CADM2: variants seen among roughly 807,000 people sequenced by gnomAD.
CADM2 encodes the protein cell adhesion molecule 2, also known as immunoglobulin superfamily member 4D.
A neutral mutation model predicts 49.8 loss-of-function variants in CADM2; 12 were observed. The ratio of observed to expected loss-of-function variants is 0.24; its 90% CI spans 0.15 to 0.39. CADM2 has a LOEUF of 0.39. Among genes scored for constraint, CADM2 ranks in the 10% least tolerant of loss-of-function variants. The probability of loss-of-function intolerance (pLI) is 1.00; values close to 1 mark genes in which losing one functional copy is unlikely to be tolerated. For synonymous variants in CADM2, 214 were observed against 175.4 expected, an observed-to-expected ratio of 1.22 and a Z score of -1.74; for missense variants, 378 against 492.3, an observed-to-expected ratio of 0.77 and a Z score of 2.20.
At chr3:85,617,536 CT>C (rs1171015634) in intron 1 of CADM2, among the ~76,000 whole-genome samples, 1 of 152,042 alleles carries the variant, frequency 6.6e-6, no homozygotes. Context: ...GAACCCAGTC[CT>C]TTTGGATTTT....
intron 1 of CADM2, among the ~76,000 whole-genome samples, chr3:85,310,950 G>T (rs1039771633): frequency 2.0e-5 from 3 of 152,154 alleles, no homozygotes; most frequent in African/African-American, 4.8e-5. Flanking sequence ...GGAAAAGTGA[G>T]TGGTTCTAAA....
At chr3:85,468,078 C>T (rs1576609421) in intron 1 of CADM2, among the ~76,000 whole-genome samples, 1 of 138,276 alleles carries the variant, frequency 7.2e-6, no homozygotes, top group Non-Finnish European at 1.5e-5. Flanking sequence ...GGCGTGAACC[C>T]GGGAGGCGGA....
chr3:85,091,525 A>T (rs1194308177), intron 1 of CADM2, among the ~76,000 whole-genome samples: 3 of 152,204 alleles, frequency 2.0e-5, no homozygotes, highest in African/African-American at 7.2e-5. Flanking sequence ...AGATACTGAA[A>T]ATAAAATAAT....
chr3:85,146,949 G>GA (rs970553118), intron 1 of CADM2, among the ~76,000 whole-genome samples: 16 of 149,746 alleles, frequency 1.1e-4, no homozygotes, highest in Middle Eastern at 3.4e-3. Flanking sequence ...ATTAAGGGGG[G>GA]AAAAAAAAAG....
chr3:85,638,351 C>T (rs182027802), intron 1 of CADM2, among the ~76,000 whole-genome samples: 96 of 152,012 alleles, frequency 6.3e-4, no homozygotes, highest in African/African-American at 2.2e-3. Flanking sequence ...TCTGTGTTTC[C>T]TAAATTCTTC....
chr3:85,595,761 T>C (rs12054328), intron 1 of CADM2, among the ~76,000 whole-genome samples: 90,202 of 151,774 alleles, frequency 0.59, 28,301 homozygotes, highest in East Asian at 0.93. Context: ...AATATTTAAG[T>C]GCAATATGTT....
intron 1 of CADM2, among the ~76,000 whole-genome samples, chr3:84,972,263 G>A (rs927563827): frequency 1.3e-5 from 2 of 152,140 alleles, no homozygotes; most frequent in African/African-American, 4.8e-5. Flanking sequence ...TGCAGAGATG[G>A]CATTTTTCTT....
intron 3 of CADM2, among the ~76,000 whole-genome samples, chr3:85,871,753 G>A (rs773363411): frequency 3.9e-5 from 6 of 151,998 alleles, no homozygotes; most frequent in Non-Finnish European, 8.8e-5. Context: ...ATGTGATGAT[G>A]GTTTTCCTAT....
chr3:85,677,919 A>G (rs2065931142), intron 1 of CADM2, among the ~76,000 whole-genome samples: 1 of 152,214 alleles, frequency 6.6e-6, no homozygotes, highest in Non-Finnish European at 1.5e-5. Context: ...GATTCCTTCT[A>G]ACTTTGATAT....
At chr3:85,754,024 G>C (rs2068983243) in intron 2 of CADM2, among the ~76,000 whole-genome samples, 1 of 152,178 alleles carries the variant, frequency 6.6e-6, no homozygotes. Flanking sequence ...TTTGAGGTGG[G>C]CTGTCTGCAT....
At chr3:85,157,338 A>G (rs1260806272) in intron 1 of CADM2, among the ~76,000 whole-genome samples, 1 of 151,276 alleles carries the variant, frequency 6.6e-6, no homozygotes, top group South Asian at 2.1e-4. Context: ...GGAAAAAACT[A>G]CTTTAAAGTT....
In CADM2 at chr3:85,647,609, T is replaced by C. The variant is rs569523009; in HGVS notation, c.62-78913T>C. ...TGAGGACACACTTTATAAATGATGCTTTTTTAAAATTGACTTTTAGAAAAA... is the reference window on the plus strand; with the variant it reads ...TGAGGACACACTTTATAAATGATGCCTTTTTAAAATTGACTTTTAGAAAAA... On this transcript the variant is annotated intron_variant, in intron 1 of 9. Coordinates refer to ENST00000383699, the MANE Select transcript of CADM2 (RefSeq NM_001167675.2). 2.0e-5 allele frequency among the ~76,000 whole-genome samples: 3 copies of C among 151,944 alleles called. No homozygotes were observed. The South Asian group carries it at 6.2e-4, about 31-fold the overall frequency.
At chr3:85,251,171 A>C (rs1343903591) in intron 1 of CADM2, among the ~76,000 whole-genome samples, 1 of 151,880 alleles carries the variant, frequency 6.6e-6, no homozygotes, top group Non-Finnish European at 1.5e-5. Flanking sequence ...AATTTACAAA[A>C]TATAAGTGTC....
At chr3:85,173,979 A>C (rs2040706643) in intron 1 of CADM2, among the ~76,000 whole-genome samples, 1 of 152,080 alleles carries the variant, frequency 6.6e-6, no homozygotes, top group South Asian at 2.1e-4. Flanking sequence ...GGGACTCAGG[A>C]GGTAATCTAT....
chr3:85,815,289 CA>C (rs1323347093), intron 3 of CADM2, among the ~76,000 whole-genome samples: 1 of 151,934 alleles, frequency 6.6e-6, no homozygotes, highest in Non-Finnish European at 1.5e-5. Flanking sequence ...AGAGACACAG[CA>C]AAAAAGGAAA....
intron 3 of CADM2, among the ~76,000 whole-genome samples, chr3:85,882,066 C>T (rs1184458760): frequency 6.6e-6 from 1 of 152,060 alleles, no homozygotes; most frequent in East Asian, 1.9e-4. Context: ...GGTACTGGCC[C>T]ATGGCCTAGG....
At chr3:85,322,511 A>C (rs2107112064) in intron 1 of CADM2, among the ~76,000 whole-genome samples, 1 of 152,274 alleles carries the variant, frequency 6.6e-6, no homozygotes, top group South Asian at 2.1e-4. Flanking sequence ...GACACAAAGT[A>C]TTTGCTCATA....
intron 8 of CADM2, among the ~76,000 whole-genome samples, chr3:85,964,550 A>G (rs528466678): frequency 2.0e-4 from 31 of 151,822 alleles, no homozygotes; most frequent in Non-Finnish European, 3.7e-4. Context: ...ATTTTGTGTT[A>G]GAAACACTGG....
chr3:85,270,671 C>A (rs190109157), intron 1 of CADM2, among the ~76,000 whole-genome samples: 2 of 151,078 alleles, frequency 1.3e-5, no homozygotes, highest in East Asian at 3.9e-4. Context: ...CTAATGTAAA[C>A]CTAGCAAGCA....
Sources: gnomAD v4.1 joint callset for allele counts (sites outside exome capture counted in the v4.1 genomes callset) on GRCh38, gnomAD v4.1.1 for gene constraint, MANE v1.5 for transcripts, NCBI Gene and HGNC (gene_info 2026-07-23, HGNC 2026-07-21) for gene names.